Variants in OAF observed in about 807,000 individuals in gnomAD.
OAF encodes the protein out at first homolog, also known as out at first protein homolog.
Under a neutral mutation model 22.5 loss-of-function variants are expected in OAF, and 13 were observed. The observed-to-expected ratio is 0.58, with a 90% CI of 0.38 to 0.92. The LOEUF is 0.92. Ranked by LOEUF, OAF falls within the 40% of genes least tolerant of loss-of-function variation. OAF has a pLI of 0.00. For missense variants in OAF, 347 were observed against 381.8 expected (o/e 0.91, Z 0.76); for synonymous variants, 175 against 170.5 (o/e 1.03, Z -0.21).
chr11:120,211,738 C>A (rs1461705174), intron 1 of OAF, among the ~76,000 whole-genome samples: 1 of 152,106 alleles, frequency 6.6e-6, no homozygotes, highest in Non-Finnish European at 1.5e-5. Context: ...CTCCAGCGCT[C>A]CCAGAGCCCC....
intron 1 of OAF, among the ~76,000 whole-genome samples, chr11:120,221,102 C>G (rs1443575632): frequency 2.6e-5 from 4 of 152,204 alleles, no homozygotes; most frequent in African/African-American, 9.7e-5. Context: ...AACGAGCACT[C>G]CCTCATCCAC....
rs908615319 is a variant in OAF, at chr11:120,225,554, C to A, written c.232-107C>A. The A allele has an allele frequency of 4.5e-5, 43 of 959,414 alleles. 1 individual carries two copies. The Middle Eastern group carries it at 8.8e-4, about 20-fold the overall frequency. The allele number at this position is 959,414 out of a possible 1,614,324, so 59.4% of individuals were successfully genotyped here. On this transcript the variant is annotated intron_variant, in intron 1 of 3. Transcript: ENST00000328965. ...ACCAGCAGGAGGGAGGTGTCTGTTG[C>A]CCGGCAGTGTCCAGGCATCCTGTTC...
In OAF at chr11:120,211,190, A is replaced by G; in HGVS notation, c.-90A>G. ...GCGGAGCGGCTCCCGGGCGCCCCGA[A>G]CTAGCCCCCAACTTTGGGCGAAGTT... is the stretch of plus-strand genomic sequence containing the variant. On this transcript the variant is annotated 5_prime_UTR_variant, in exon 1 of 4. Transcript: ENST00000328965. The G allele has an allele frequency of 1.2e-6, 1 of 829,616 alleles. No individual in the cohort carries two copies. Among genetic ancestry groups the G allele is most frequent in the Non-Finnish European group, 1.5e-6 (1 of 645,874 alleles). 51.4% of individuals were successfully genotyped at this position (829,616 alleles called of 1,614,324 possible).
At position 120,211,530 on chromosome 11, in the gene OAF, CG is replaced by C; in HGVS notation, c.231+24del. On this transcript the variant is annotated intron_variant, in intron 1 of 3. Transcript: ENST00000328965. ...AAGAAGGTGAGGCGCCCTCACTCGC[CG>C]GGGTGGCACCTTCAAGCCTGAGCCC... is the stretch of plus-strand genomic sequence containing the variant. 1.4e-6 allele frequency: 2 copies of C among 1,427,450 alleles called. No individual in the cohort carries two copies. The highest frequency in any genetic ancestry group is 9.3e-7 in the Non-Finnish European group (1 of 1,080,842). The allele number at this position is 1,427,450 out of a possible 1,614,324, so 88.4% of individuals were successfully genotyped here. A position where few individuals can be genotyped will look rare whatever the true frequency, so the allele number is the denominator to read the frequency against.
Position 120,229,153 on chromosome 11 carries a change from A to C in OAF, c.*11A>C, listed in dbSNP as rs766644028. 6.2e-7 allele frequency: 1 copy of C among 1,604,244 alleles called. No individual in the cohort carries two copies. Among genetic ancestry groups the C allele is most frequent in the Non-Finnish European group, 8.5e-7 (1 of 1,173,628 alleles). ...CCCTACCCAGGCTAGGGTGGGAGCA[A>C]CCTGGCGGGTGGCTGCTCTGGGCCC... On this transcript the variant is annotated 3_prime_UTR_variant, in exon 4 of 4. Coordinates refer to ENST00000328965, the MANE Select transcript of OAF (RefSeq NM_178507.4).
intron 3 of OAF, 120 bp from the exon 4 acceptor site, chr11:120,228,747 GT>G: frequency 1.4e-6 from 1 of 728,136 alleles, no homozygotes; most frequent in Non-Finnish European, 2.2e-6. Flanking sequence ...AAATGGAGGT[GT>G]CTGTAAATGC....
chr11:120,212,753 T>TG (rs959744432), intron 1 of OAF, among the ~76,000 whole-genome samples: 8 of 113,320 alleles, frequency 7.1e-5, no homozygotes, highest in Non-Finnish European at 1.5e-4. Flanking sequence ...TGGGTGGGGT[T>TG]GGGGGGTGAG....
chr11:120,228,821 T>TGCCAACCCAA, intron 3 of OAF, 47 bp from the exon 4 acceptor site: 15 of 520,276 alleles, frequency 2.9e-5, no homozygotes, highest in East Asian at 1.0e-4. Flanking sequence ...GGGAGCTCCT[T>TGCCAACCCAA]CCCTCCCTCC....
At position 120,229,368 on chromosome 11, in the gene OAF, C is replaced by CTCTTTT; in HGVS notation, c.*226_*227insTCTTTT. 1.2e-5 allele frequency: 4 copies of CTCTTTT among 333,898 alleles called. No homozygotes were observed. The highest frequency in any genetic ancestry group is 1.0e-4 in the South Asian group (1 of 9,546). 20.7% of individuals were successfully genotyped at this position (333,898 alleles called of 1,614,324 possible). ...TCCCACCCTGTGCCTTCCTTGCGGG[C>CTCTTTT]AGAGAGGGAGAGAAGGGCTCCCCAG... On this transcript the variant is annotated 3_prime_UTR_variant, in exon 4 of 4. Transcript: ENST00000328965.
chr11:120,227,103 A>G, intron 3 of OAF, 107 bp downstream of exon 3: 1 of 704,610 alleles, frequency 1.4e-6, no homozygotes, highest in East Asian at 2.7e-5. Context: ...GAGTCTCATC[A>G]TTAGCCAAGT....
Position 120,228,868 on chromosome 11 carries a change from G to A in OAF, c.548G>A (p.Gly183Asp). 1 of 993,102 alleles carries A rather than the reference G, an allele frequency of 1.0e-6. No individual in the cohort carries two copies. The highest frequency in any genetic ancestry group is 1.4e-6 in the Non-Finnish European group (1 of 700,674). The allele number at this position is 993,102 out of a possible 1,614,324, so 61.5% of individuals were successfully genotyped here. Residue 183 changes from glycine (G) to aspartate (D), a missense_variant and splice_region_variant, in exon 4 of 4, where the codon GGT becomes GAT. Transcript: ENST00000328965. Reference protein sequence around the residue: ...QEDVRFWLEQGVDSSVFEALP... With the variant: ...QEDVRFWLEQDVDSSVFEALP... The stretch of plus-strand genomic sequence containing the variant: ...CCTGATCCTTGCCTCTCTCCCCCAG[G>A]TGTGGACAGTTCTGTGTTCGAGGCT...
Position 120,229,368 on chromosome 11 carries a change from CAG to C in OAF, c.*231_*232del. ...TCCCACCCTGTGCCTTCCTTGCGGG[CAG>C]AGAGGGAGAGAAGGGCTCCCCAGAT... is the stretch of plus-strand genomic sequence containing the variant. On this transcript the variant is annotated 3_prime_UTR_variant, in exon 4 of 4. Coordinates refer to ENST00000328965, the MANE Select transcript of OAF (RefSeq NM_178507.4). 1 of 333,922 alleles carries C rather than the reference CAG, an allele frequency of 3.0e-6. No individual in the cohort carries two copies. The highest frequency in any genetic ancestry group is 5.1e-6 in the Non-Finnish European group (1 of 194,320). The allele number at this position is 333,922 out of a possible 1,614,324, so 20.7% of individuals were successfully genotyped here.
At chr11:120,225,826 G>C (rs1341167485) in intron 2 of OAF, 31 bp downstream of exon 2, 1 of 1,578,942 alleles carries the variant, frequency 6.3e-7, no homozygotes. Context: ...GCCTGGCCCA[G>C]GTCCTGACCC....
At chr11:120,214,807 G>T (rs1011676603) in intron 1 of OAF, among the ~76,000 whole-genome samples, 3 of 152,264 alleles carry the variant, frequency 2.0e-5, no homozygotes, top group African/African-American at 7.2e-5. Flanking sequence ...GGTGAGGCTT[G>T]CAGACTCAGT....
chr11:120,215,554 G>A (rs1000987565), intron 1 of OAF, among the ~76,000 whole-genome samples: 1 of 152,210 alleles, frequency 6.6e-6, no homozygotes, highest in Non-Finnish European at 1.5e-5. Flanking sequence ...TGTGCCCTCA[G>A]TACACAAACT....
chr11:120,212,208 TG>T (rs1312555731), intron 1 of OAF, among the ~76,000 whole-genome samples: 1 of 145,614 alleles, frequency 6.9e-6, no homozygotes, highest in African/African-American at 2.6e-5. Context: ...CCCCCTATTT[TG>T]GCCCAGATTA....
At chr11:120,225,557 G>A (rs752407455) in intron 1 of OAF, 104 bp from the exon 2 acceptor site, 17 of 991,740 alleles carry the variant, frequency 1.7e-5, no homozygotes, top group East Asian at 5.9e-5. Context: ...TCTGTTGCCC[G>A]GCAGTGTCCA....
chr11:120,219,216 A>G (rs982893249), intron 1 of OAF, among the ~76,000 whole-genome samples: 4 of 151,702 alleles, frequency 2.6e-5, no homozygotes, highest in African/African-American at 9.7e-5. Context: ...GCCCAGATGC[A>G]CCCCTGTGGA....
intron 1 of OAF, among the ~76,000 whole-genome samples, chr11:120,216,413 G>A (rs1046150945): frequency 2.0e-5 from 3 of 152,196 alleles, no homozygotes; most frequent in African/African-American, 7.2e-5. Context: ...AGTCTCCTTG[G>A]GGAGGAAAAG....
Sources: gnomAD v4.1 joint callset for allele counts (sites outside exome capture counted in the v4.1 genomes callset) on GRCh38, gnomAD v4.1.1 for gene constraint, MANE v1.5 for transcripts, NCBI Gene and HGNC (gene_info 2026-07-23, HGNC 2026-07-21) for gene names.